The following TENM1 variants were observed in gnomAD, a reference collection of about 807,000 sequenced individuals.
TENM1 encodes the protein teneurin-1.
A neutral mutation model predicts 174.8 loss-of-function variants in TENM1; 35 were observed. The observed-to-expected ratio is 0.20, with a 90% CI of 0.15 to 0.27. The LOEUF (loss-of-function observed/expected upper bound fraction) is 0.27. Ranked by LOEUF, TENM1 falls within the 10% of genes least tolerant of loss-of-function variation. The pLI is 1.00. For missense variants in TENM1, 1,633 were observed against 2,130.1 expected, an observed-to-expected ratio of 0.77 and a Z score of 4.59; for synonymous variants, 781 against 798.7, an observed-to-expected ratio of 0.98 and a Z score of 0.37.
Position 124,418,691 on chromosome X carries a change from T to C in TENM1, c.4982+1620A>G, listed in dbSNP as rs770364221. ...CTCATGTGTTTGTTGAATAAATACATGAATGGTTGAACTGGTTCTTTTGAA... is the reference window on the plus strand; with the variant it reads ...CTCATGTGTTTGTTGAATAAATACACGAATGGTTGAACTGGTTCTTTTGAA... On this transcript the variant is annotated intron_variant, in intron 25 of 31. Coordinates refer to ENST00000422452, the Ensembl canonical transcript of TENM1. 4.5e-5 allele frequency among the ~76,000 whole-genome samples: 5 copies of C among 112,209 alleles called. No homozygotes were observed. In the South Asian group the frequency reaches 1.9e-3, roughly 42 times the overall value.
chrX:124,835,606 C>T (rs2056376526), intron 3 of TENM1, among the ~76,000 whole-genome samples: 1 of 111,635 alleles, frequency 9.0e-6, no homozygotes, highest in Non-Finnish European at 1.9e-5. Context: ...ACCTCTTACC[C>T]TAAGTGTTAA....
At chrX:124,696,810 A>G (rs190782795) in intron 5 of TENM1, among the ~76,000 whole-genome samples, 4 of 111,642 alleles carry the variant, frequency 3.6e-5, no homozygotes, top group Admixed American at 2.9e-4. Context: ...GTAAAACTGA[A>G]TTAAGAACGT....
intron 3 of TENM1, among the ~76,000 whole-genome samples, chrX:124,832,582 T>C (rs2056313034): frequency 1.8e-5 from 2 of 112,286 alleles, no homozygotes; most frequent in Admixed American, 1.9e-4. Flanking sequence ...AATTTACATA[T>C]AGAAAGCCCT....
chrX:125,149,437 T>C, the TENM1 span, among the ~76,000 whole-genome samples: 1 of 112,204 alleles, frequency 8.9e-6, no homozygotes, highest in Admixed American at 9.5e-5. Flanking sequence ...TCCAATAGAT[T>C]GTTCTTTCCT....
chrX:125,151,434 A>G, the TENM1 span, among the ~76,000 whole-genome samples: 1 of 111,937 alleles, frequency 8.9e-6, no homozygotes, highest in Admixed American at 9.5e-5. Context: ...GCTTTGTGAG[A>G]GAAAATGCTT....
At chrX:124,722,331 C>T (rs2053329691) in intron 4 of TENM1, among the ~76,000 whole-genome samples, 1 of 111,497 alleles carries the variant, frequency 9.0e-6, no homozygotes, top group African/African-American at 3.3e-5. Context: ...TAACAAGGGA[C>T]CGCCTAGTGT....
chrX:125,133,185 A>G, the TENM1 span, among the ~76,000 whole-genome samples: 347 of 110,327 alleles, frequency 3.1e-3, 2 homozygotes, highest in African/African-American at 0.011. Flanking sequence ...TAGTAGAGAC[A>G]GGGTTTCACC....
chrX:125,115,482 A>C, the TENM1 span, among the ~76,000 whole-genome samples: 1 of 111,668 alleles, frequency 9.0e-6, no homozygotes, highest in African/African-American at 3.2e-5. Flanking sequence ...TGGTATATTT[A>C]GAAAACTCCA....
intron 3 of TENM1, among the ~76,000 whole-genome samples, chrX:124,856,135 C>T (rs779401149): frequency 9.0e-6 from 1 of 110,674 alleles, no homozygotes; most frequent in Non-Finnish European, 1.9e-5. Context: ...GCCAATTTTC[C>T]TTCCTTCTAG....
At chrX:124,967,716 G>T (rs2058744297), upstream of TENM1, among the ~76,000 whole-genome samples, 1 of 111,610 alleles carries the variant, frequency 9.0e-6, no homozygotes, top group Admixed American at 9.6e-5. Context: ...CTAGCTAATT[G>T]CTAGGTCGCA....
intron 11 of TENM1, among the ~76,000 whole-genome samples, chrX:124,584,568 C>A (rs183131607): frequency 9.0e-6 from 1 of 111,555 alleles, no homozygotes; most frequent in African/African-American, 3.3e-5. Context: ...CTGGCACCAG[C>A]CACTGCAAAA....
chrX:124,782,931 T>C (rs554795661), intron 3 of TENM1, among the ~76,000 whole-genome samples: 3 of 112,114 alleles, frequency 2.7e-5, no homozygotes, highest in East Asian at 5.6e-4. Flanking sequence ...ATGGATTTAA[T>C]TGACTTGACT....
the TENM1 span, among the ~76,000 whole-genome samples, chrX:125,035,724 G>A: frequency 7.7e-3 from 855 of 111,484 alleles, 9 homozygotes; most frequent in African/African-American, 0.027. Flanking sequence ...TGTATTTATA[G>A]AACCATTAAT....
At chrX:124,737,039 G>A (rs1187484623) in exon 4 of TENM1, 1 of 1,211,366 alleles carries the variant, frequency 8.3e-7, no homozygotes. Flanking sequence ...GGGGGAGCTG[G>A]AGCAGCTGGG....
At chrX:124,758,598 G>GGCAC (rs2054326743) in intron 3 of TENM1, among the ~76,000 whole-genome samples, 1 of 111,891 alleles carries the variant, frequency 8.9e-6, no homozygotes, top group Non-Finnish European at 1.9e-5. Context: ...CACGTCCATT[G>GGCAC]TATTACTCAG....
chrX:124,916,807 TACCTTTCC>T (rs967411892), intron 1 of TENM1, among the ~76,000 whole-genome samples: 1 of 109,581 alleles, frequency 9.1e-6, no homozygotes, highest in Non-Finnish European at 1.9e-5. Context: ...TCTCTCTTTC[TACCTTTCC>T]ACTCCTCATC....
At chrX:125,006,523 G>A in the TENM1 span, among the ~76,000 whole-genome samples, 1 of 111,988 alleles carries the variant, frequency 8.9e-6, no homozygotes, top group Non-Finnish European at 1.9e-5. Context: ...AGTGCTAAGG[G>A]ACAAACAGCC....
intron 1 of TENM1, among the ~76,000 whole-genome samples, chrX:124,938,013 T>A (rs1020645330): frequency 1.8e-5 from 2 of 111,872 alleles, no homozygotes; most frequent in Non-Finnish European, 3.8e-5. Context: ...TTAGCCAAAA[T>A]ATTAAAGAAA....
At chrX:124,793,478 C>T (rs2055227314) in intron 3 of TENM1, among the ~76,000 whole-genome samples, 1 of 111,173 alleles carries the variant, frequency 9.0e-6, no homozygotes, top group Non-Finnish European at 1.9e-5. Flanking sequence ...TGGTAAAAGA[C>T]CTGCTTATTA....
Sources: gnomAD v4.1 joint callset for allele counts (sites outside exome capture counted in the v4.1 genomes callset) on GRCh38, gnomAD v4.1.1 for gene constraint, MANE v1.5 for transcripts, NCBI Gene and HGNC (gene_info 2026-07-23, HGNC 2026-07-21) for gene names.